IGF1R: variants seen among roughly 807,000 people sequenced by gnomAD.
IGF1R encodes insulin like growth factor 1 receptor, also known as insulin-like growth factor 1 receptor.
Under a neutral mutation model 144.6 loss-of-function variants are expected in IGF1R, and 44 were observed. The observed-to-expected ratio is 0.30, with a 90% CI of 0.24 to 0.39. The LOEUF is 0.39. Ranked by LOEUF, IGF1R falls within the 10% of genes least tolerant of loss-of-function variation. IGF1R has a pLI of 1.00. For missense variants in IGF1R, 1,355 were observed against 1,833.7 expected (o/e 0.74, Z 4.77); for synonymous variants, 795 against 722.8 (o/e 1.10, Z -1.60).
intron 20 of IGF1R, among the ~76,000 whole-genome samples, chr15:98,956,469 G>T (rs1313237987): frequency 6.6e-6 from 1 of 152,362 alleles, no homozygotes; most frequent in African/African-American, 2.4e-5. Context: ...GGAGACAGCA[G>T]ACTCGGAGTG....
At chr15:98,745,609 G>GA (rs932447590) in intron 2 of IGF1R, among the ~76,000 whole-genome samples, 6 of 151,200 alleles carry the variant, frequency 4.0e-5, no homozygotes, top group African/African-American at 4.9e-5. Flanking sequence ...ATAAAGGAGT[G>GA]AAAAAAAAAT....
intron 1 of IGF1R, among the ~76,000 whole-genome samples, chr15:98,681,086 A>G (rs1430740606): frequency 6.6e-6 from 1 of 152,102 alleles, no homozygotes; most frequent in Non-Finnish European, 1.5e-5. Flanking sequence ...GTATACTCTG[A>G]TCACACAATG....
intron 13 of IGF1R, 21 bp from the exon 14 acceptor site, chr15:98,929,537 A>G (rs756683698): frequency 1.3e-6 from 2 of 1,579,370 alleles, no homozygotes; most frequent in East Asian, 2.2e-5. Flanking sequence ...ATATTTTATC[A>G]TTTCCTCCTC....
intron 2 of IGF1R, among the ~76,000 whole-genome samples, chr15:98,848,346 T>C (rs2011414509): frequency 6.6e-6 from 1 of 152,228 alleles, no homozygotes; most frequent in Admixed American, 6.5e-5. Context: ...ACCCACAGTT[T>C]ACGTGTTCAC....
At chr15:98,778,654 A>C (rs895273258) in intron 2 of IGF1R, among the ~76,000 whole-genome samples, 1 of 152,148 alleles carries the variant, frequency 6.6e-6, no homozygotes, top group African/African-American at 2.4e-5. Context: ...ATAGCTCTCT[A>C]TCTTGGGTGA....
chr15:98,786,824 C>G (rs2056009522), intron 2 of IGF1R, among the ~76,000 whole-genome samples: 1 of 152,188 alleles, frequency 6.6e-6, no homozygotes, highest in African/African-American at 2.4e-5. Context: ...GGACAGAGAA[C>G]TGGGCAGCTA....
intron 2 of IGF1R, among the ~76,000 whole-genome samples, chr15:98,886,685 T>C (rs189844981): frequency 7.4e-4 from 112 of 152,314 alleles, no homozygotes; most frequent in African/African-American, 2.5e-3. Flanking sequence ...GGCGCTCGCA[T>C]GGAACAGCCA....
At chr15:98,928,716 T>C (rs972660114) in intron 13 of IGF1R, among the ~76,000 whole-genome samples, 1 of 152,200 alleles carries the variant, frequency 6.6e-6, no homozygotes, top group Non-Finnish European at 1.5e-5. Flanking sequence ...TTTCTAGTTG[T>C]CATGCTACCT....
At position 98,964,269 on chromosome 15, in the gene IGF1R, ACTTT is replaced by A. The variant is rs533203868; in HGVS notation, c.*6830_*6833del. On this transcript the variant is annotated 3_prime_UTR_variant, in exon 21 of 21. Transcript: ENST00000650285. ...CATGGCCAATTTGTTACATAAAATGACTTTCTGTGTATAAATTATTCCTAAAAAA... is the reference window on the plus strand; with the variant it reads ...CATGGCCAATTTGTTACATAAAATGACTGTGTATAAATTATTCCTAAAAAA... 187 of 232,632 alleles carry A rather than the reference ACTTT, an allele frequency of 8.0e-4. No individual in the cohort carries two copies. The Middle Eastern group carries it at 9.0e-3, about 11-fold the overall frequency. 14.4% of individuals were successfully genotyped at this position (232,632 alleles called of 1,614,324 possible). A position where few individuals can be genotyped will look rare whatever the true frequency, so the allele number is the denominator to read the frequency against.
chr15:98,657,051 T>G (rs540044466), intron 1 of IGF1R, among the ~76,000 whole-genome samples: 1 of 152,372 alleles, frequency 6.6e-6, no homozygotes, highest in South Asian at 2.1e-4. Flanking sequence ...TGATACATTG[T>G]GATTGCTTTC....
chr15:98,774,034 C>CT (rs929466638), intron 2 of IGF1R, among the ~76,000 whole-genome samples: 4 of 152,160 alleles, frequency 2.6e-5, no homozygotes, highest in African/African-American at 9.7e-5. Context: ...ATTTTTATCT[C>CT]TTTGGGATTG....
chr15:98,942,884 G>A, intron 18 of IGF1R, 39 bp from the exon 19 acceptor site: 1 of 1,613,498 alleles, frequency 6.2e-7, no homozygotes, highest in Non-Finnish European at 8.5e-7. Flanking sequence ...AGTGGTGCCT[G>A]CTCCAGCGTG....
At chr15:98,663,587 G>A (rs1183000304) in intron 1 of IGF1R, among the ~76,000 whole-genome samples, 1 of 152,218 alleles carries the variant, frequency 6.6e-6, no homozygotes, top group Admixed American at 6.5e-5. Context: ...ACTGTTTCAG[G>A]TGAGCGCTGT....
chr15:98,812,770 G>A (rs1329902635), intron 2 of IGF1R, among the ~76,000 whole-genome samples: 1 of 152,056 alleles, frequency 6.6e-6, no homozygotes, highest in East Asian at 1.9e-4. Flanking sequence ...CTTTTATCTT[G>A]GAATTTCTTA....
Position 98,649,387 on chromosome 15 carries a change from C to CCCGCCCCGT in IGF1R, c.-190_-182dup. On this transcript the variant is annotated 5_prime_UTR_variant, in exon 1 of 21. Coordinates refer to ENST00000650285, the MANE Select transcript of IGF1R (RefSeq NM_000875.5). ...GGCGCTGAGGGGCCGCCCCGCGCCGCCCGCCCCGTCCGCGCACCCGGAGGG... is the reference window on the plus strand; with the variant it reads ...GGCGCTGAGGGGCCGCCCCGCGCCGCCCGCCCCGTCCGCCCCGTCCGCGCACCCGGAGGG... The CCCGCCCCGT allele has an allele frequency of 3.2e-6, 1 of 315,716 alleles. No individual in the cohort carries two copies. 19.6% of individuals were successfully genotyped at this position (315,716 alleles called of 1,614,324 possible). A position where few individuals can be genotyped will look rare whatever the true frequency, so the allele number is the denominator to read the frequency against.
intron 2 of IGF1R, among the ~76,000 whole-genome samples, chr15:98,886,432 A>G (rs2013645015): frequency 6.6e-6 from 1 of 152,160 alleles, no homozygotes; most frequent in Non-Finnish European, 1.5e-5. Context: ...CTTTGTTTTT[A>G]TTGTTGGTCA....
At chr15:98,875,383 T>A (rs1016169095) in intron 2 of IGF1R, among the ~76,000 whole-genome samples, 1 of 150,742 alleles carries the variant, frequency 6.6e-6, no homozygotes, top group African/African-American at 2.4e-5. Context: ...TTGGCCAGTT[T>A]GGGTTTTTAC....
rs1567114536 is a variant in IGF1R at position 98,759,507 on chromosome 15, T to C, written c.640+51400T>C. ...AAGAACGGCCCCCCAGGGGGTCTGT[T>C]TGATGAACACATGTATTATTGCAGT... On this transcript the variant is annotated intron_variant, in intron 2 of 20. Coordinates refer to ENST00000650285, the MANE Select transcript of IGF1R (RefSeq NM_000875.5). Among the ~76,000 whole-genome samples, 5 of 152,256 alleles carry C rather than the reference T, an allele frequency of 3.3e-5. No individual in the cohort carries two copies. The South Asian group carries it at 1.0e-3, about 32-fold the overall frequency.
At chr15:98,686,322 C>T (rs1361312346) in intron 1 of IGF1R, among the ~76,000 whole-genome samples, 3 of 152,132 alleles carry the variant, frequency 2.0e-5, no homozygotes, top group Non-Finnish European at 2.9e-5. Flanking sequence ...ATTTGTCTGT[C>T]GATGGACACT....
Sources: gnomAD v4.1 joint callset for allele counts (sites outside exome capture counted in the v4.1 genomes callset) on GRCh38, gnomAD v4.1.1 for gene constraint, MANE v1.5 for transcripts, NCBI Gene and HGNC (gene_info 2026-07-23, HGNC 2026-07-21) for gene names.